KANK1: variants seen among roughly 807,000 people sequenced by gnomAD.
The protein encoded by KANK1 is KN motif and ankyrin repeat domains 1.
In KANK1, 109 loss-of-function variants were observed where a neutral mutation model predicts 106.2. That is an observed-to-expected ratio of 1.03 (90% confidence interval 0.88 to 1.20). The LOEUF (loss-of-function observed/expected upper bound fraction) is 1.20, where lower values mean the gene tolerates loss of function less well. KANK1 is among the 50% of genes most tolerant of loss of function. KANK1 has a pLI of 0.00. For missense variants in KANK1, 2,399 were observed against 1,710.7 expected (o/e 1.40, Z -7.10); for synonymous variants, 873 against 652.2 (o/e 1.34, Z -5.16).
Position 668,039 on chromosome 9 carries a change from C to T in KANK1, c.-83-8851C>T, listed in dbSNP as rs796659759. On this transcript the variant is annotated intron_variant, in intron 1 of 11. Transcript: ENST00000382297. The stretch of plus-strand genomic sequence containing the variant: ...AGCCACCACACCTAGCCCAAAATTC[C>T]TCTTGTTATTGATATCTAGTTTTAT... Among the ~76,000 whole-genome samples, 10 of 152,168 alleles carry T rather than the reference C, an allele frequency of 6.6e-5. 1 individual carries two copies. Among genetic ancestry groups the T allele is most frequent in the African/African-American group, 2.4e-4 (10 of 41,514 alleles).
At chr9:534,602 CCT>C (rs1317328925) in intron 1 of KANK1, among the ~76,000 whole-genome samples, 2 of 152,168 alleles carry the variant, frequency 1.3e-5, no homozygotes, top group Non-Finnish European at 1.5e-5. Flanking sequence ...ATTTTTTCCC[CCT>C]CTTAGTTATG....
intron 1 of KANK1, among the ~76,000 whole-genome samples, chr9:518,876 G>A (rs1232257026): frequency 6.9e-6 from 1 of 145,322 alleles, no homozygotes; most frequent in African/African-American, 2.6e-5. Flanking sequence ...GAGTTTCTTA[G>A]CATTGTCTTT....
chr9:534,896 T>C (rs2060226081), intron 1 of KANK1, among the ~76,000 whole-genome samples: 1 of 152,220 alleles, frequency 6.6e-6, no homozygotes, highest in Non-Finnish European at 1.5e-5. Flanking sequence ...ATTTGAGTTG[T>C]GTATTGTAAT....
In KANK1 at chr9:712,911, G is replaced by C. The variant is rs1826585060; in HGVS notation, c.2145G>C (p.Arg715=). The change falls in exon 3 of 12, where the codon CGG becomes CGC. Residue 715 remains arginine, a synonymous_variant. Transcript: ENST00000382297. The stretch of plus-strand genomic sequence containing the variant: ...CCAGCACCCAGACTGTGGAGACGCG[G>C]ACAGTAGCTGTAGGAGAAGGCCGTG... ...KQTSTQTVET[R]TVAVGEGRVK... 1 of 1,614,032 alleles carries C rather than the reference G, an allele frequency of 6.2e-7. No homozygotes were observed. Among genetic ancestry groups the C allele is most frequent in the Admixed American group, 1.7e-5 (1 of 60,000 alleles).
intron 2 of KANK1, among the ~76,000 whole-genome samples, chr9:686,058 A>G (rs995152893): frequency 1.3e-5 from 2 of 152,178 alleles, no homozygotes; most frequent in Admixed American, 1.3e-4. Flanking sequence ...CATCAAAGAG[A>G]GAGATGGGGT....
At chr9:680,719 T>C (rs886267986) in intron 2 of KANK1, 3 of 152,084 alleles carry the variant, frequency 2.0e-5, no homozygotes, top group Non-Finnish European at 2.9e-5. Context: ...ACTAAGCACG[T>C]GTTCATCGTT....
chr9:713,209 G>A lies in KANK1; in HGVS notation c.2443G>A (p.Ala815Thr). 1.3e-6 allele frequency: 2 copies of A among 1,590,958 alleles called. No homozygotes were observed. The highest frequency in any genetic ancestry group is 1.7e-6 in the Non-Finnish European group (2 of 1,168,494). ...ATCTCTGGAGAACCCCCAGCCTCAA[G>A]CTCCACTTGGAATGATGACTGGCCT... ...GESLENPQPQ[A>T]PLGMMTGLDH... Residue 815 changes from alanine (A) to threonine (T), a missense_variant, in exon 3 of 12, where the codon GCT (alanine) becomes ACT (threonine). Physicochemically the swap from Ala to Thr is moderately conservative, Grantham distance 58. Transcript: ENST00000382297.
intron 3 of KANK1, among the ~76,000 whole-genome samples, chr9:724,847 C>G (rs879301690): frequency 3.3e-5 from 5 of 151,988 alleles, no homozygotes; most frequent in African/African-American, 4.8e-5. Context: ...ACTAGTGAGA[C>G]TTTTTGGAGG....
chr9:632,630 G>A (rs1331143379), intron 1 of KANK1, among the ~76,000 whole-genome samples: 5 of 152,138 alleles, frequency 3.3e-5, no homozygotes, highest in South Asian at 2.1e-4. Context: ...GATTTATCTT[G>A]TAATTGATTA....
chr9:629,647 C>G (rs1489585680), intron 1 of KANK1, among the ~76,000 whole-genome samples: 1 of 152,196 alleles, frequency 6.6e-6, no homozygotes, highest in African/African-American at 2.4e-5. Flanking sequence ...ATACCTGATT[C>G]TCCCTTCTCC....
chr9:667,817 C>T (rs1435444547), intron 1 of KANK1, among the ~76,000 whole-genome samples: 2 of 151,406 alleles, frequency 1.3e-5, no homozygotes, highest in African/African-American at 4.9e-5. Context: ...CTGCAACCTC[C>T]ACCTCCTGGG....
rs1317833963 is a variant in KANK1 at position 485,879 on chromosome 9, A to C, written c.-362+12606A>C. Among the ~76,000 whole-genome samples, 3 of 150,836 alleles carry C rather than the reference A, an allele frequency of 2.0e-5. No individual in the cohort carries two copies. The East Asian group carries it at 5.8e-4, about 29-fold the overall frequency. On this transcript the variant is annotated intron_variant, in intron 3 of 15. Transcript: ENST00000382303. ...GAGTGAGAATTGTCTCAAAAAAAAA[A>C]AAAAAAAGAAAAGAAAAAGAGAGAG... is the stretch of plus-strand genomic sequence containing the variant.
At chr9:508,390 G>T (rs1024111444) in intron 1 of KANK1, among the ~76,000 whole-genome samples, 2 of 152,148 alleles carry the variant, frequency 1.3e-5, no homozygotes, top group Non-Finnish European at 2.9e-5. Context: ...GCCTGCCTTG[G>T]CCTCCCAAAG....
At chr9:647,182 A>G (rs191580183) in intron 1 of KANK1, among the ~76,000 whole-genome samples, 1 of 151,146 alleles carries the variant, frequency 6.6e-6, no homozygotes, top group African/African-American at 2.5e-5. Context: ...AGCCTTCTGT[A>G]TAAGATAAAT....
chr9:600,381 G>A (rs1752766088), intron 1 of KANK1, among the ~76,000 whole-genome samples: 5 of 151,772 alleles, frequency 3.3e-5, no homozygotes, highest in Non-Finnish European at 4.4e-5. Context: ...TCCTTTCTAA[G>A]GCTGAATAAT....
Position 487,018 on chromosome 9 carries a change from C to T in KANK1, c.-362+13745C>T, listed in dbSNP as rs1587227384. ...TAATATGAAATTTTACATTTTATAT[C>T]AGCCAACTGACAAGAAAGTAAGACC... On this transcript the variant is annotated intron_variant, in intron 3 of 15. Coordinates refer to the KANK1 transcript ENST00000382303. Among the ~76,000 whole-genome samples the T allele has an allele frequency of 2.0e-5, 3 of 152,188 alleles. No homozygotes were observed. The East Asian group carries it at 5.8e-4, about 29-fold the overall frequency.
At chr9:717,189 G>T (rs1430228737) in intron 3 of KANK1, among the ~76,000 whole-genome samples, 1 of 151,734 alleles carries the variant, frequency 6.6e-6, no homozygotes, top group Non-Finnish European at 1.5e-5. Context: ...GGAGGCTGAG[G>T]TGGGAAGATC....
intron 10 of KANK1, among the ~76,000 whole-genome samples, chr9:742,901 C>T (rs1305946605): frequency 1.3e-5 from 2 of 152,206 alleles, no homozygotes; most frequent in African/African-American, 4.8e-5. Context: ...CCAGAGCCTG[C>T]AGAGTAGCTT....
rs114219591 is a variant in KANK1 at position 660,567 on chromosome 9, C to A, written c.-83-16323C>A. On this transcript the variant is annotated intron_variant, in intron 1 of 11. Transcript: ENST00000382297. The stretch of plus-strand genomic sequence containing the variant: ...CAGTAGGCGCCTGGCAGTGTCAAGT[C>A]TGAAACAAAGCAATACTGTCATGTT... Among the ~76,000 whole-genome samples the A allele has an allele frequency of 4.9e-3, 739 of 152,266 alleles. 9 individuals carry two copies. The highest frequency in any genetic ancestry group is 0.017 in the African/African-American group (719 of 41,522).
Sources: gnomAD v4.1 joint callset for allele counts (sites outside exome capture counted in the v4.1 genomes callset) on GRCh38, gnomAD v4.1.1 for gene constraint, MANE v1.5 for transcripts, NCBI Gene and HGNC (gene_info 2026-07-23, HGNC 2026-07-21) for gene names.